The following LDLRAD4 variants were observed in gnomAD, a reference collection of about 807,000 sequenced individuals.
LDLRAD4 encodes low density lipoprotein receptor class A domain containing 4.
In LDLRAD4, 5 loss-of-function variants were observed where a neutral mutation model predicts 17.0. The ratio of observed to expected loss-of-function variants is 0.29; its 90% CI spans 0.15 to 0.62. LDLRAD4 has a LOEUF of 0.62. Among genes scored for constraint, LDLRAD4 ranks in the 20% least tolerant of loss-of-function variants. The probability of loss-of-function intolerance (pLI) is 0.84; values close to 1 mark genes in which losing one functional copy is unlikely to be tolerated. For missense variants in LDLRAD4, 340 were observed against 424.7 expected, an observed-to-expected ratio of 0.80 and a Z score of 1.75; for synonymous variants, 168 against 171.8, an observed-to-expected ratio of 0.98 and a Z score of 0.17.
chr18:13,350,160 T>G (rs1018123434), intron 1 of LDLRAD4, among the ~76,000 whole-genome samples: 3 of 152,240 alleles, frequency 2.0e-5, no homozygotes, highest in African/African-American at 7.2e-5. Context: ...ATGGGACTGC[T>G]GGGTCAAATG....
At chr18:13,413,124 A>G (rs2088536221) in intron 2 of LDLRAD4, among the ~76,000 whole-genome samples, 1 of 152,142 alleles carries the variant, frequency 6.6e-6, no homozygotes, top group Non-Finnish European at 1.5e-5. Context: ...CAAGCCCAGG[A>G]TGGTGCTTTG....
chr18:13,277,221 T>G (rs946686523), upstream of LDLRAD4, among the ~76,000 whole-genome samples: 1 of 152,108 alleles, frequency 6.6e-6, no homozygotes, highest in African/African-American at 2.4e-5. Context: ...GGTACGAGCC[T>G]CCTGGAGAAT....
chr18:13,480,501 C>T (rs938465534), intron 3 of LDLRAD4, among the ~76,000 whole-genome samples: 1 of 152,170 alleles, frequency 6.6e-6, no homozygotes, highest in Non-Finnish European at 1.5e-5. Context: ...TGGCAAAATA[C>T]ATTTGTCCAG....
In LDLRAD4 at chr18:13,398,098, A is replaced by G. The variant is rs2086851793; in HGVS notation, c.40+10336A>G. On this transcript the variant is annotated intron_variant, in intron 2 of 5. Transcript: ENST00000359446. This position sits in a 1 kb window ranked among gnomAD's most constrained non-coding sequence, Gnocchi z 4.8. ...AGTGGGGGCCACCATGTCAGGGTTG[A>G]AAGTGGGGCTGTCTCAGATCCTCCC... 6.6e-6 allele frequency among the ~76,000 whole-genome samples: 1 copy of G among 152,166 alleles called. No homozygotes were observed. Among genetic ancestry groups the G allele is most frequent in the Admixed American group, 6.5e-5 (1 of 15,282 alleles).
intron 3 of LDLRAD4, among the ~76,000 whole-genome samples, chr18:13,563,271 G>A (rs918626181): frequency 1.3e-5 from 2 of 152,164 alleles, no homozygotes; most frequent in African/African-American, 2.4e-5. Context: ...TCCATAGAGC[G>A]TTTTTTAGGC....
chr18:13,597,816 A>AT (rs1317648455), intron 3 of LDLRAD4, among the ~76,000 whole-genome samples: 1 of 152,140 alleles, frequency 6.6e-6, no homozygotes, highest in African/African-American at 2.4e-5. Flanking sequence ...GCTCTAGTGA[A>AT]TTTTTTATTT....
At chr18:13,482,464 G>A (rs2093116107) in intron 3 of LDLRAD4, among the ~76,000 whole-genome samples, 3 of 152,232 alleles carry the variant, frequency 2.0e-5, no homozygotes, top group Admixed American at 2.0e-4. Flanking sequence ...ACACTCAGCT[G>A]AGCAATGAGA....
At chr18:13,646,346 T>G (rs2043014904) in exon 6 of LDLRAD4, 1 of 152,608 alleles carries the variant, frequency 6.6e-6, no homozygotes, top group South Asian at 2.1e-4. Context: ...TATCCTGGAG[T>G]GGTCCCCAGA....
At chr18:13,457,815 G>A (rs542445167) in intron 3 of LDLRAD4, among the ~76,000 whole-genome samples, 11 of 152,322 alleles carry the variant, frequency 7.2e-5, no homozygotes, top group African/African-American at 2.6e-4. Context: ...TGTGCAGTGT[G>A]CTTATTTCAG....
chr18:13,424,126 A>G (rs2089724546), intron 2 of LDLRAD4, among the ~76,000 whole-genome samples: 2 of 95,262 alleles, frequency 2.1e-5, no homozygotes, highest in South Asian at 9.3e-4. Flanking sequence ...CGAGAGTGAA[A>G]CTCCATCTCA....
At chr18:13,619,246 G>A (rs2040364216) in intron 3 of LDLRAD4, among the ~76,000 whole-genome samples, 1 of 152,098 alleles carries the variant, frequency 6.6e-6, no homozygotes, top group South Asian at 2.1e-4. Flanking sequence ...AGAAACACAG[G>A]GTCAAGGCCA....
At chr18:13,327,052 G>A (rs958952362) in intron 1 of LDLRAD4, among the ~76,000 whole-genome samples, 2 of 152,056 alleles carry the variant, frequency 1.3e-5, no homozygotes, top group Non-Finnish European at 2.9e-5. Context: ...TTTGCTTTGG[G>A]AACCCTCCTC....
At chr18:13,238,803 C>CA (rs778820831) in intron 1 of LDLRAD4, among the ~76,000 whole-genome samples, 1 of 152,154 alleles carries the variant, frequency 6.6e-6, no homozygotes, top group Non-Finnish European at 1.5e-5. Context: ...GTCACGTTCC[C>CA]AGGGAGCTCA....
At chr18:13,606,839 A>C (rs546702684) in intron 3 of LDLRAD4, among the ~76,000 whole-genome samples, 1 of 152,332 alleles carries the variant, frequency 6.6e-6, no homozygotes, top group East Asian at 1.9e-4. Context: ...AACCTCAAAG[A>C]ATGGGAATTT....
intron 3 of LDLRAD4, chr18:13,620,873 C>A: frequency 1.8e-6 from 1 of 569,568 alleles, no homozygotes; most frequent in South Asian, 2.3e-5. Flanking sequence ...ACGTTCTCAG[C>A]TCCCTGTGGT....
rs1023003324 is a variant in LDLRAD4, at chr18:13,621,714, G to A, written c.336+443G>A. On this transcript the variant is annotated intron_variant, in intron 4 of 5. Transcript: ENST00000359446. The surrounding 1 kb of genome is among the most constrained non-coding windows in gnomAD (Gnocchi z 5.5). ...CGCGCTCATCGTCACTAAACGTGCC[G>A]GCAGCACATGGGTGCCATGAGCTGG... Among the ~76,000 whole-genome samples, 4 of 152,200 alleles carry A rather than the reference G, an allele frequency of 2.6e-5. No individual in the cohort carries two copies. The highest frequency in any genetic ancestry group is 7.2e-5 in the African/African-American group (3 of 41,450).
chr18:13,268,422 T>G (rs1261011506), intron 1 of LDLRAD4, among the ~76,000 whole-genome samples: 1 of 152,240 alleles, frequency 6.6e-6, no homozygotes, highest in African/African-American at 2.4e-5. Flanking sequence ...AAGGGAGATC[T>G]CTTAGGGAGT....
chr18:13,576,432 A>C (rs567995692), intron 3 of LDLRAD4, among the ~76,000 whole-genome samples: 1 of 143,488 alleles, frequency 7.0e-6, no homozygotes, highest in East Asian at 2.0e-4. Context: ...AAAAAAAAAA[A>C]AAAAAAAAGA....
At chr18:13,402,968 A>G (rs940325668) in intron 2 of LDLRAD4, among the ~76,000 whole-genome samples, 2 of 152,232 alleles carry the variant, frequency 1.3e-5, no homozygotes, top group African/African-American at 4.8e-5. Flanking sequence ...TCTCCAAATG[A>G]TATGTGGTTA....
Sources: allele counts gnomAD v4.1 joint callset (sites outside exome capture counted in the v4.1 genomes callset), GRCh38; gene constraint gnomAD v4.1.1; non-coding constraint Gnocchi (gnomAD v3.1); transcripts MANE v1.5; gene names NCBI Gene and HGNC (gene_info 2026-07-23, HGNC 2026-07-21).